Variants in RNF150 observed in about 807,000 individuals in gnomAD.
RNF150 encodes the protein ring finger protein 150.
In RNF150, 24 loss-of-function variants were observed where a neutral mutation model predicts 39.3. The ratio of observed to expected loss-of-function variants is 0.61; its 90% CI spans 0.44 to 0.86. The LOEUF (loss-of-function observed/expected upper bound fraction) is 0.86. RNF150 is among the 40% of genes least tolerant of loss of function. RNF150 has a pLI of 0.00. For synonymous variants in RNF150, 255 were observed against 227.3 expected, an observed-to-expected ratio of 1.12 and a Z score of -1.10; for missense variants, 502 against 587.8, an observed-to-expected ratio of 0.85 and a Z score of 1.51.
At chr4:140,919,963 C>G (rs1476414036) in intron 5 of RNF150, among the ~76,000 whole-genome samples, 1 of 152,082 alleles carries the variant, frequency 6.6e-6, no homozygotes, top group East Asian at 1.9e-4. Flanking sequence ...ATAAATGGTG[C>G]TGGGAAAACT....
chr4:141,076,767 T>C (rs1368490740), intron 1 of RNF150, among the ~76,000 whole-genome samples: 1 of 152,100 alleles, frequency 6.6e-6, no homozygotes, highest in African/African-American at 2.4e-5. Context: ...CAAATATTAT[T>C]CACAAAAATG....
intron 5 of RNF150, among the ~76,000 whole-genome samples, chr4:140,923,049 C>T (rs1013975983): frequency 3.3e-5 from 5 of 150,872 alleles, no homozygotes; most frequent in Middle Eastern, 3.4e-3. Flanking sequence ...CCATTCAGGA[C>T]ATAGGCATGG....
At chr4:140,996,810 T>C (rs963119362) in intron 1 of RNF150, 4 of 152,216 alleles carry the variant, frequency 2.6e-5, no homozygotes, top group South Asian at 2.1e-4. Flanking sequence ...CAAATGTTCA[T>C]TGTGTGGTAC....
intron 6 of RNF150, among the ~76,000 whole-genome samples, chr4:140,876,592 C>A (rs976912034): frequency 1.1e-4 from 17 of 152,176 alleles, no homozygotes; most frequent in Admixed American, 9.2e-4. Context: ...TCCTACATGC[C>A]AGGCATTTTG....
chr4:141,029,925 G>A (rs1210025876), intron 1 of RNF150, among the ~76,000 whole-genome samples: 1 of 152,162 alleles, frequency 6.6e-6, no homozygotes, highest in African/African-American at 2.4e-5. Flanking sequence ...GGCCAGGCGT[G>A]GTGGCTCACG....
chr4:140,897,835 T>C (rs181171507), intron 6 of RNF150, among the ~76,000 whole-genome samples: 2 of 152,284 alleles, frequency 1.3e-5, no homozygotes, highest in Admixed American at 1.3e-4. Context: ...ATTCTCTAAA[T>C]TACCTCCATT....
chr4:141,044,769 G>GCA (rs1491269687), intron 1 of RNF150, among the ~76,000 whole-genome samples: 134 of 77,532 alleles, frequency 1.7e-3, no homozygotes, highest in Admixed American at 3.8e-3. Flanking sequence ...CGGGTGTGCA[G>GCA]CGCACACACA....
intron 1 of RNF150, among the ~76,000 whole-genome samples, chr4:141,071,307 C>T (rs1478516945): frequency 6.6e-6 from 1 of 150,578 alleles, no homozygotes; most frequent in Non-Finnish European, 1.5e-5. Flanking sequence ...GGGTGCAGCG[C>T]ACCGGCATGG....
At chr4:141,091,046 G>T (rs1239840229) in intron 1 of RNF150, among the ~76,000 whole-genome samples, 1 of 152,184 alleles carries the variant, frequency 6.6e-6, no homozygotes, top group Admixed American at 6.5e-5. Flanking sequence ...GTAGTAACTT[G>T]AAGGAAAAAT....
At chr4:140,958,028 A>G (rs1450787338) in intron 2 of RNF150, among the ~76,000 whole-genome samples, 6 of 152,118 alleles carry the variant, frequency 3.9e-5, no homozygotes, top group African/African-American at 1.4e-4. Context: ...ATGTACCCTA[A>G]AACTTAAAGT....
chr4:141,048,994 A>G (rs2110883764), intron 1 of RNF150, among the ~76,000 whole-genome samples: 1 of 152,212 alleles, frequency 6.6e-6, no homozygotes, highest in South Asian at 2.1e-4. Flanking sequence ...TCTGCTCAAC[A>G]CTGGTATGGC....
chr4:141,116,654 G>T (rs560937874), intron 1 of RNF150, among the ~76,000 whole-genome samples: 38 of 152,220 alleles, frequency 2.5e-4, no homozygotes, highest in Non-Finnish European at 5.0e-4. Flanking sequence ...ATACCCAAAG[G>T]ATTATAAATC....
intron 1 of RNF150, among the ~76,000 whole-genome samples, chr4:141,204,160 T>G (rs1056388345): frequency 1.1e-4 from 17 of 152,152 alleles, no homozygotes; most frequent in Non-Finnish European, 4.4e-5. Context: ...AGGCTGCAGT[T>G]TTGAAGAATC....
chr4:141,111,891 A>G (rs1290690352), intron 1 of RNF150, among the ~76,000 whole-genome samples: 2 of 151,994 alleles, frequency 1.3e-5, no homozygotes, highest in African/African-American at 4.8e-5. Context: ...TTTTTGTAAA[A>G]TGGAATTTGG....
intron 1 of RNF150, among the ~76,000 whole-genome samples, chr4:141,152,363 C>A (rs1396169497): frequency 6.6e-6 from 1 of 152,046 alleles, no homozygotes; most frequent in Non-Finnish European, 1.5e-5. Context: ...ATGAATTGAG[C>A]AAAATAACTA....
intron 1 of RNF150, among the ~76,000 whole-genome samples, chr4:141,089,254 C>T (rs911858041): frequency 1.6e-5 from 2 of 127,328 alleles, no homozygotes; most frequent in South Asian, 3.1e-4. Context: ...TCTAGGAATA[C>T]GTCAAATCAA....
intron 1 of RNF150, among the ~76,000 whole-genome samples, chr4:141,001,820 A>G (rs1734677042): frequency 6.6e-6 from 1 of 152,172 alleles, no homozygotes; most frequent in Non-Finnish European, 1.5e-5. Context: ...TTTTAAAACC[A>G]TAGTTCAAAA....
intron 6 of RNF150, among the ~76,000 whole-genome samples, chr4:140,878,329 C>T (rs1216176579): frequency 2.0e-5 from 3 of 151,884 alleles, no homozygotes; most frequent in African/African-American, 4.8e-5. Context: ...CACCACCATG[C>T]CCAGCTAATT....
At chr4:141,149,103 C>T (rs572674645) in intron 1 of RNF150, among the ~76,000 whole-genome samples, 17 of 152,264 alleles carry the variant, frequency 1.1e-4, no homozygotes, top group African/African-American at 4.1e-4. Flanking sequence ...GAAACTATCC[C>T]TGAACATTTT....
Sources: gnomAD v4.1 joint callset for allele counts (sites outside exome capture counted in the v4.1 genomes callset) on GRCh38, gnomAD v4.1.1 for gene constraint, MANE v1.5 for transcripts, NCBI Gene and HGNC (gene_info 2026-07-23, HGNC 2026-07-21) for gene names.